ABR: variants seen among roughly 807,000 people sequenced by gnomAD.
The protein encoded by ABR is ABR activator of RhoGEF and GTPase.
ABR carries 35 observed loss-of-function variants against 107.2 expected under a neutral mutation model. The ratio of observed to expected loss-of-function variants is 0.33; its 90% CI spans 0.25 to 0.43. ABR has a LOEUF of 0.43. ABR is among the 20% of genes least tolerant of loss of function. The probability of loss-of-function intolerance (pLI) is 1.00; values close to 1 mark genes in which losing one functional copy is unlikely to be tolerated. For missense variants in ABR, 815 were observed against 1,115.2 expected, an observed-to-expected ratio of 0.73 and a Z score of 3.83; for synonymous variants, 498 against 462.0, an observed-to-expected ratio of 1.08 and a Z score of -1.00.
Position 1,027,512 on chromosome 17 carries a change from G to A in ABR, c.1792-14348C>T, listed in dbSNP as rs772762726. 1.8e-4 allele frequency among the ~76,000 whole-genome samples: 27 copies of A among 152,222 alleles called. No individual in the cohort carries two copies. The highest frequency in any genetic ancestry group is 3.5e-4 in the Non-Finnish European group (24 of 68,030). On this transcript the variant is annotated intron_variant, in intron 16 of 22. Coordinates refer to ENST00000302538, the MANE Select transcript of ABR (RefSeq NM_021962.5). The surrounding 1 kb of genome is among the most constrained non-coding windows in gnomAD (Gnocchi z 4.7). ...AAGCCTCTTGGGAGCTGGCCTGGCA[G>A]AGAGATCAGAGAGTACTCATGAGGC...
intron 16 of ABR, among the ~76,000 whole-genome samples, chr17:1,042,530 G>A (rs73287505): frequency 2.0e-5 from 3 of 149,262 alleles, no homozygotes; most frequent in East Asian, 2.0e-4. Flanking sequence ...TGGATAAACA[G>A]ATGTGGCACC....
intron 5 of ABR, among the ~76,000 whole-genome samples, chr17:1,082,002 G>C (rs185442866): frequency 8.8e-4 from 134 of 152,094 alleles, no homozygotes; most frequent in African/African-American, 2.7e-3. Context: ...ATCTCCAACT[G>C]TCAGCTTCTC....
At chr17:1,160,113 A>G (rs2041228964) in intron 1 of ABR, among the ~76,000 whole-genome samples, 1 of 152,074 alleles carries the variant, frequency 6.6e-6, no homozygotes, top group Non-Finnish European at 1.5e-5. Context: ...ATAGGAGCAG[A>G]GCCCTGGGGT....
chr17:1,116,177 G>A (rs1410133411), intron 2 of ABR, among the ~76,000 whole-genome samples: 5 of 148,576 alleles, frequency 3.4e-5, no homozygotes, highest in Non-Finnish European at 6.0e-5. Flanking sequence ...CCGAGATTGC[G>A]CCACTGGACT....
chr17:1,075,940 G>T (rs1048012667), intron 6 of ABR, among the ~76,000 whole-genome samples: 3 of 152,206 alleles, frequency 2.0e-5, no homozygotes, highest in African/African-American at 4.8e-5. Flanking sequence ...TACTTGGGAG[G>T]CTGAGGCAGG....
intron 1 of ABR, among the ~76,000 whole-genome samples, chr17:1,197,250 C>T (rs544455498): frequency 6.6e-6 from 1 of 151,752 alleles, no homozygotes; most frequent in Non-Finnish European, 1.5e-5. Context: ...CCGTGATCTC[C>T]TGCTGTGGCG....
At chr17:1,119,492 C>CCCAGCTTTATCCCTGAGCCTGAGTTCT (rs1567790570) in intron 2 of ABR, among the ~76,000 whole-genome samples, 5 of 79,754 alleles carry the variant, frequency 6.3e-5, no homozygotes, top group East Asian at 4.6e-4. Context: ...GCCTGAGTTC[C>CCCAGCTTTATCCCTGAGCCTGAGTTCT]TCCCAGCGTT....
chr17:1,012,718 A>G lies in ABR; in HGVS notation c.1931T>C (p.Val644Ala). ...CACCACGCTGATCTTCACACCGAAG[A>G]CGCCGGTCTGCTTTTTGGACGGGGT... ...KRTPSKKQTG[V>A]FGVKISVVTK... Residue 644 changes from valine (V) to alanine (A), a missense_variant, in exon 18 of 23, where the codon GTC becomes GCC. Around this residue, in one of 5 missense-constraint regions of ABR, gnomAD observed 175 missense variants for 284.3 expected, o/e 0.62. Transcript: ENST00000302538. The G allele has an allele frequency of 6.3e-7, 1 of 1,592,906 alleles. No homozygotes were observed. The highest frequency in any genetic ancestry group is 1.1e-5 in the South Asian group (1 of 87,770).
At chr17:1,125,546 G>A in intron 1 of ABR, 179 bp from the exon 2 acceptor site, 2 of 466,280 alleles carry the variant, frequency 4.3e-6, no homozygotes, top group Non-Finnish European at 7.1e-6. Context: ...GGGAGAGCCA[G>A]CAGGCACCGG....
chr17:1,223,856 C>G (rs2043166132), intron 1 of ABR, among the ~76,000 whole-genome samples: 1 of 152,170 alleles, frequency 6.6e-6, no homozygotes, highest in African/African-American at 2.4e-5. Context: ...AGGACAACAG[C>G]CCGGGGGAAA....
chr17:1,133,643 G>A (rs978495426), intron 1 of ABR, among the ~76,000 whole-genome samples: 2 of 152,142 alleles, frequency 1.3e-5, no homozygotes, highest in Non-Finnish European at 2.9e-5. Context: ...AATCATTAGA[G>A]CCTTCCGATT....
intron 1 of ABR, among the ~76,000 whole-genome samples, chr17:1,224,068 C>T (rs1180527097): frequency 1.3e-5 from 2 of 152,136 alleles, no homozygotes; most frequent in African/African-American, 2.4e-5. Flanking sequence ...GGGTTAGCGA[C>T]GTTTATTATT....
At chr17:1,057,715 GA>G in intron 12 of ABR, 3 of 463,944 alleles carry the variant, frequency 6.5e-6, no homozygotes, top group Non-Finnish European at 1.2e-5. Flanking sequence ...GAGAGAGAGA[GA>G]GGTAGAGAGA....
intron 1 of ABR, among the ~76,000 whole-genome samples, chr17:1,126,037 C>T (rs1241761469): frequency 6.6e-6 from 1 of 152,114 alleles, no homozygotes; most frequent in African/African-American, 2.4e-5. Flanking sequence ...GGGCTTCCTT[C>T]AAAGGAGGAG....
chr17:1,104,879 A>T (rs940122119), intron 2 of ABR, among the ~76,000 whole-genome samples: 2 of 152,162 alleles, frequency 1.3e-5, no homozygotes, highest in Admixed American at 1.3e-4. Flanking sequence ...GGTCTTAGGC[A>T]GGCACCATAG....
intron 7 of ABR, among the ~76,000 whole-genome samples, chr17:1,073,286 A>C (rs1443027543): frequency 4.0e-5 from 6 of 150,692 alleles, no homozygotes. Context: ...CAGTGTGGAG[A>C]CCAGGTGGAG....
rs868042764 is a variant in ABR at position 1,159,589 on chromosome 17, G to A, written c.61+20078C>T. On this transcript the variant is annotated intron_variant, in intron 1 of 22. Coordinates refer to ENST00000302538, the MANE Select transcript of ABR (RefSeq NM_021962.5). ...TCACACACGGGAGAAGTAAGAATGC[G>A]GTACTCACACACATGAGAAGTAAGA... Among the ~76,000 whole-genome samples the A allele has an allele frequency of 1.2e-4, 12 of 103,926 alleles. 1 individual carries two copies. Among genetic ancestry groups the A allele is most frequent in the African/African-American group, 2.8e-4 (7 of 25,360 alleles). 68.2% of individuals were successfully genotyped at this position (103,926 alleles called of 152,430 possible).
At chr17:1,124,713 G>T (rs1455023027) in intron 2 of ABR, among the ~76,000 whole-genome samples, 1 of 152,262 alleles carries the variant, frequency 6.6e-6, no homozygotes, top group Non-Finnish European at 1.5e-5. Context: ...AGAGTGAACA[G>T]AGGAGGGCTG....
chr17:1,123,015 C>T (rs1412899106), intron 2 of ABR, among the ~76,000 whole-genome samples: 2 of 152,338 alleles, frequency 1.3e-5, no homozygotes, highest in African/African-American at 4.8e-5. Context: ...TAAGCACAGC[C>T]AAGCCGCAGA....
Sources: gnomAD v4.1 joint callset for allele counts (sites outside exome capture counted in the v4.1 genomes callset) on GRCh38, gnomAD v4.1.1 for gene constraint, gnomAD v4.1.1 regional missense constraint, Gnocchi (gnomAD v3.1) non-coding constraint, MANE v1.5 for transcripts, NCBI Gene and HGNC (gene_info 2026-07-23, HGNC 2026-07-21) for gene names.